TASP1: variants seen among roughly 807,000 people sequenced by gnomAD.
TASP1 encodes threonine aspartase 1.
A neutral mutation model predicts 56.6 loss-of-function variants in TASP1; 16 were observed. The observed-to-expected ratio is 0.28, with a 90% CI of 0.19 to 0.43. The LOEUF is 0.43. Ranked by LOEUF, TASP1 falls within the 20% of genes least tolerant of loss-of-function variation. The pLI is 1.00. For synonymous variants in TASP1, 179 were observed against 184.2 expected, an observed-to-expected ratio of 0.97 and a Z score of 0.23; for missense variants, 393 against 511.6, an observed-to-expected ratio of 0.77 and a Z score of 2.24.
rs76994370 is a variant in TASP1, at chr20:13,565,118, G to A, written c.568+4389C>T. 5.3e-5 allele frequency among the ~76,000 whole-genome samples: 8 copies of A among 151,948 alleles called. No individual in the cohort carries two copies. In the South Asian group the frequency reaches 6.3e-4, roughly 12 times the overall value. ...TCACATATATGGTCAACGATTTGAC[G>A]AGGGTACTAGCACCATTCAATAGGG... On this transcript the variant is annotated intron_variant, in intron 7 of 13. Transcript: ENST00000337743.
At chr20:13,493,896 T>C (rs554889382) in intron 10 of TASP1, among the ~76,000 whole-genome samples, 1 of 152,234 alleles carries the variant, frequency 6.6e-6, no homozygotes, top group Non-Finnish European at 1.5e-5. Context: ...ACCTAAATTA[T>C]AACACTCTAA....
At chr20:13,394,191 G>A (rs774224018) in intron 13 of TASP1, among the ~76,000 whole-genome samples, 1 of 151,382 alleles carries the variant, frequency 6.6e-6, no homozygotes, top group Non-Finnish European at 1.5e-5. Flanking sequence ...GGCTGAGGCA[G>A]GAGAATCGCT....
intron 10 of TASP1, among the ~76,000 whole-genome samples, chr20:13,498,995 C>T (rs924143386): frequency 3.3e-5 from 5 of 152,008 alleles, no homozygotes; most frequent in African/African-American, 1.2e-4. Flanking sequence ...AAGTATGCTA[C>T]AAAAAAGGCA....
At chr20:13,108,649 A>C in the TASP1 span, among the ~76,000 whole-genome samples, 3 of 151,200 alleles carry the variant, frequency 2.0e-5, no homozygotes, top group South Asian at 6.3e-4. Context: ...ATCTCGGCTC[A>C]CTGCAACATC....
rs577954226 is a variant in TASP1, at chr20:13,608,895, A to G, written c.282+14551T>C. ...AAATACATTAGATAACATGTCAGAT[A>G]GCAGTAAACACGAGAGTGAAAAAAT... On this transcript the variant is annotated intron_variant, in intron 4 of 13. Coordinates refer to ENST00000337743, the MANE Select transcript of TASP1 (RefSeq NM_017714.3). Among the ~76,000 whole-genome samples the G allele has an allele frequency of 2.4e-4, 36 of 152,376 alleles. 1 individual carries two copies. The South Asian group carries it at 7.2e-3, about 31-fold the overall frequency.
chr20:13,133,563 G>A, the TASP1 span, among the ~76,000 whole-genome samples: 1 of 151,978 alleles, frequency 6.6e-6, no homozygotes, highest in Admixed American at 6.6e-5. Flanking sequence ...GCAAAACCCC[G>A]TCTCTACTAA....
the TASP1 span, among the ~76,000 whole-genome samples, chr20:13,211,895 C>T: frequency 5.3e-5 from 8 of 152,056 alleles, no homozygotes; most frequent in Non-Finnish European, 1.0e-4. Flanking sequence ...ACATAAGTAA[C>T]GCCCTTGATT....
the TASP1 span, among the ~76,000 whole-genome samples, chr20:13,297,654 T>C: frequency 6.6e-6 from 1 of 152,216 alleles, no homozygotes. Flanking sequence ...GGGGTCACCA[T>C]TCACCTGTTC....
chr20:13,447,977 T>C (rs1333326783), intron 11 of TASP1, among the ~76,000 whole-genome samples: 2 of 152,174 alleles, frequency 1.3e-5, no homozygotes, highest in Non-Finnish European at 2.9e-5. Flanking sequence ...TTAATGCTTA[T>C]GTAATCAAAA....
chr20:13,560,534 C>A (rs1455091143), intron 7 of TASP1, among the ~76,000 whole-genome samples: 1 of 152,116 alleles, frequency 6.6e-6, no homozygotes, highest in African/African-American at 2.4e-5. Context: ...ATAACTGAGT[C>A]CATTACTCCC....
chr20:13,227,553 G>T, the TASP1 span, among the ~76,000 whole-genome samples: 20 of 146,724 alleles, frequency 1.4e-4, no homozygotes, highest in East Asian at 3.6e-3. Flanking sequence ...CTGTCACCCA[G>T]GCTGGAGTGC....
chr20:13,117,050 A>T, the TASP1 span, among the ~76,000 whole-genome samples: 3 of 152,198 alleles, frequency 2.0e-5, no homozygotes, highest in Non-Finnish European at 4.4e-5. Context: ...TGTCTTTTTA[A>T]TTCCCTCTTT....
the TASP1 span, among the ~76,000 whole-genome samples, chr20:13,212,862 T>C: frequency 6.6e-6 from 1 of 152,202 alleles, no homozygotes. Flanking sequence ...AGTTTACAAG[T>C]GAGAATCTTC....
chr20:13,400,721 T>C (rs945757401), intron 13 of TASP1, among the ~76,000 whole-genome samples: 4 of 152,094 alleles, frequency 2.6e-5, no homozygotes, highest in Non-Finnish European at 4.4e-5. Context: ...TTGAAAGAAA[T>C]GTAAATAGAG....
intron 12 of TASP1, among the ~76,000 whole-genome samples, chr20:13,433,858 A>C (rs1391495978): frequency 1.3e-5 from 2 of 151,662 alleles, no homozygotes; most frequent in Non-Finnish European, 2.9e-5. Flanking sequence ...AAAAAAAAAA[A>C]AACAGAAGAA....
In TASP1 at chr20:13,450,591, C is replaced by G. The variant is rs544453493; in HGVS notation, c.986-15437G>C. The stretch of plus-strand genomic sequence containing the variant: ...TCTTTGCTCATCCACAGAAGCAACT[C>G]CTCATCCGTTAAAGTTTTATCATAA... On this transcript the variant is annotated intron_variant, in intron 11 of 13. Coordinates refer to ENST00000337743, the MANE Select transcript of TASP1 (RefSeq NM_017714.3). Among the ~76,000 whole-genome samples, 690 of 152,170 alleles carry G rather than the reference C, an allele frequency of 4.5e-3. 3 individuals are homozygous for G. Among genetic ancestry groups the G allele is most frequent in the East Asian group, 0.011 (59 of 5,158 alleles).
chr20:13,299,619 C>A, the TASP1 span: 1 of 722,444 alleles, frequency 1.4e-6, no homozygotes, highest in Non-Finnish European at 2.2e-6. The surrounding 1 kb of genome is among the most constrained non-coding windows in gnomAD (Gnocchi z 5.8). Context: ...GCGTGTGCCA[C>A]GCCCAGGGGA....
intron 10 of TASP1, 122 bp from the exon 11 acceptor site, chr20:13,483,459 G>A (rs1026670545): frequency 3.4e-5 from 19 of 561,760 alleles, no homozygotes; most frequent in South Asian, 1.5e-4. Context: ...AAATAATTCC[G>A]TGAGGGATGA....
intron 11 of TASP1, among the ~76,000 whole-genome samples, chr20:13,435,969 T>C (rs892625229): frequency 3.3e-5 from 5 of 151,830 alleles, no homozygotes; most frequent in African/African-American, 1.2e-4. Flanking sequence ...AGTGAACTGA[T>C]GGGAAAGGAA....
Sources: allele counts gnomAD v4.1 joint callset (sites outside exome capture counted in the v4.1 genomes callset), GRCh38; gene constraint gnomAD v4.1.1; non-coding constraint Gnocchi (gnomAD v3.1); transcripts MANE v1.5; gene names NCBI Gene and HGNC (gene_info 2026-07-23, HGNC 2026-07-21).